LIFR: variants seen among roughly 807,000 people sequenced by gnomAD.
LIFR encodes LIF receptor subunit alpha.
In LIFR, 84 loss-of-function variants were observed where a neutral mutation model predicts 122.2. That is an observed-to-expected ratio of 0.69 (90% CI 0.58 to 0.82). LIFR has a LOEUF of 0.82. Ranked by LOEUF, LIFR falls within the 40% of genes least tolerant of loss-of-function variation. LIFR has a pLI of 0.00. For synonymous variants in LIFR, 422 were observed against 434.7 expected (o/e 0.97, Z 0.36); for missense variants, 1,294 against 1,311.6 (o/e 0.99, Z 0.21).
intron 1 of LIFR, among the ~76,000 whole-genome samples, chr5:38,535,375 TTTAA>T (rs1156531556): frequency 6.6e-6 from 1 of 152,182 alleles, no homozygotes; most frequent in Admixed American, 6.5e-5. Context: ...TCCACAACAC[TTTAA>T]TTATATTTAT....
intron 1 of LIFR, among the ~76,000 whole-genome samples, chr5:38,566,712 C>T (rs548863898): frequency 3.9e-4 from 60 of 152,132 alleles, no homozygotes; most frequent in Non-Finnish European, 5.1e-4. Context: ...CAACAGTCAT[C>T]CCTTTTCCTG....
At chr5:38,487,907 C>T (rs867744367) in intron 16 of LIFR, among the ~76,000 whole-genome samples, 1 of 152,184 alleles carries the variant, frequency 6.6e-6, no homozygotes, top group Non-Finnish European at 1.5e-5. Context: ...CCTGACTGCC[C>T]ACACAGATTT....
At chr5:38,529,020 G>A (rs944180063) in intron 2 of LIFR, among the ~76,000 whole-genome samples, 180 bp from the exon 3 acceptor site, 3 of 151,394 alleles carry the variant, frequency 2.0e-5, no homozygotes, top group Non-Finnish European at 4.4e-5. Flanking sequence ...GCAAGTCATG[G>A]GAGTGGACTG....
chr5:38,565,477 A>AGGTGGGAAGGGCAGACAGTGCCTTC (rs1305250010), intron 1 of LIFR, among the ~76,000 whole-genome samples: 129 of 152,304 alleles, frequency 8.5e-4, no homozygotes, highest in African/African-American at 2.9e-3. Context: ...ACATGAAGGA[A>AGGTGGGAAGGGCAGACAGTGCCTTC]GGTGGGAAGG....
intron 1 of LIFR, among the ~76,000 whole-genome samples, chr5:38,540,580 A>G (rs939046325): frequency 6.6e-6 from 1 of 152,164 alleles, no homozygotes; most frequent in East Asian, 1.9e-4. Context: ...GGAGCCATTC[A>G]CATGACACAG....
chr5:38,488,664 A>G (rs1488890072), intron 16 of LIFR, among the ~76,000 whole-genome samples: 1 of 152,220 alleles, frequency 6.6e-6, no homozygotes, highest in Non-Finnish European at 1.5e-5. Context: ...TAATAGGCCA[A>G]TGGTTTTTTG....
intron 1 of LIFR, among the ~76,000 whole-genome samples, chr5:38,564,732 CACT>C (rs1454028714): frequency 9.0e-6 from 1 of 110,660 alleles, no homozygotes; most frequent in African/African-American, 3.4e-5. Flanking sequence ...TATACACACA[CACT>C]ACACACACAC....
chr5:38,564,784 T>C (rs181128438), intron 1 of LIFR, among the ~76,000 whole-genome samples: 2 of 140,706 alleles, frequency 1.4e-5, no homozygotes, highest in African/African-American at 5.4e-5. Context: ...ACACATATAT[T>C]TTTTTTTTGA....
chr5:38,495,052 C>T (rs1322448464), intron 13 of LIFR, among the ~76,000 whole-genome samples: 1 of 152,102 alleles, frequency 6.6e-6, no homozygotes. Context: ...GCTTTTTTTG[C>T]TCAACGTGAT....
At chr5:38,571,563 C>T (rs1561218123) in intron 1 of LIFR, among the ~76,000 whole-genome samples, 5 of 148,968 alleles carry the variant, frequency 3.4e-5, no homozygotes, top group Admixed American at 3.3e-4. Context: ...CACTAGCCTC[C>T]TTCTCCTCCT....
chr5:38,485,275 G>A lies in LIFR; in HGVS notation c.2498-407C>T, dbSNP rs114733089. 6.1e-3 allele frequency among the ~76,000 whole-genome samples: 936 copies of A among 152,228 alleles called. 6 individuals carry two copies. Among genetic ancestry groups the A allele is most frequent in the South Asian group, 0.015 (70 of 4,820 alleles). On this transcript the variant is annotated intron_variant, in intron 17 of 19. Coordinates refer to ENST00000453190, the MANE Select transcript of LIFR (RefSeq NM_001127671.2). Reference sequence around the variant, plus strand: ...CTCTTAGGTGACAAAATCACTCTCCGTTGAGAATCACTGCTTTATAGAACC... The same window carrying A: ...CTCTTAGGTGACAAAATCACTCTCCATTGAGAATCACTGCTTTATAGAACC...
At chr5:38,604,686 G>A (rs1220133252) in intron 2 of LIFR, among the ~76,000 whole-genome samples, 1 of 150,696 alleles carries the variant, frequency 6.6e-6, no homozygotes, top group East Asian at 2.0e-4. Context: ...GGGCGACAGG[G>A]CAAGACTCTG....
intron 1 of LIFR, among the ~76,000 whole-genome samples, chr5:38,554,339 C>T (rs1436443752): frequency 6.6e-6 from 1 of 152,156 alleles, no homozygotes; most frequent in Non-Finnish European, 1.5e-5. Flanking sequence ...GGAGAAGGCA[C>T]ACTTATTTCC....
chr5:38,577,106 A>G (rs983885407), intron 1 of LIFR, among the ~76,000 whole-genome samples: 3 of 152,236 alleles, frequency 2.0e-5, no homozygotes, highest in African/African-American at 7.2e-5. Context: ...GACACCAGTT[A>G]AAAAGATTTT....
intron 4 of LIFR, 78 bp downstream of exon 4, chr5:38,527,077 A>C: frequency 7.4e-7 from 1 of 1,343,552 alleles, no homozygotes; most frequent in Non-Finnish European, 1.0e-6. Context: ...CATGAAATTC[A>C]AAAAACTAGA....
chr5:38,597,855 T>A (rs1750137223), upstream of LIFR, among the ~76,000 whole-genome samples: 1 of 151,892 alleles, frequency 6.6e-6, no homozygotes, highest in African/African-American at 2.4e-5. Context: ...AAGGTGAAAG[T>A]TGGTTGTTGA....
At chr5:38,511,648 G>A (rs1159072386) in intron 6 of LIFR, 142 bp downstream of exon 6, 3 of 737,498 alleles carry the variant, frequency 4.1e-6, no homozygotes, top group South Asian at 1.8e-5. Flanking sequence ...AAAATCTCCA[G>A]GGATGGTGGG....
At chr5:38,483,047 T>C (rs1342387370) in intron 18 of LIFR, among the ~76,000 whole-genome samples, 1 of 152,210 alleles carries the variant, frequency 6.6e-6, no homozygotes, top group East Asian at 1.9e-4. Flanking sequence ...GATAACTACA[T>C]GTCATGAGTA....
chr5:38,492,821 A>AG (rs1744666968), intron 14 of LIFR, among the ~76,000 whole-genome samples: 1 of 152,192 alleles, frequency 6.6e-6, no homozygotes. Flanking sequence ...GACAAGCTAC[A>AG]GGGTCCAGAA....
Sources: allele counts gnomAD v4.1 joint callset (sites outside exome capture counted in the v4.1 genomes callset), GRCh38; gene constraint gnomAD v4.1.1; transcripts MANE v1.5; gene names NCBI Gene and HGNC (gene_info 2026-07-23, HGNC 2026-07-21).